Variants in AFF3 observed in about 807,000 individuals in gnomAD.
AFF3 encodes the protein AF4/FMR2 family member 3.
A neutral mutation model predicts 129.7 loss-of-function variants in AFF3; 32 were observed. The observed-to-expected ratio is 0.25, with a 90% CI of 0.19 to 0.33. AFF3 has a LOEUF of 0.33. Ranked by LOEUF, AFF3 falls within the 10% of genes least tolerant of loss-of-function variation. AFF3 has a pLI of 1.00. For synonymous variants in AFF3, 644 were observed against 635.4 expected (o/e 1.01, Z -0.20); for missense variants, 1,373 against 1,592.0 (o/e 0.86, Z 2.34).
At chr2:99,860,728 GAAAAA>G (rs566175906) in intron 7 of AFF3, among the ~76,000 whole-genome samples, 3 of 128,542 alleles carry the variant, frequency 2.3e-5, no homozygotes, top group Non-Finnish European at 5.1e-5. Flanking sequence ...TCCGTCTCAA[GAAAAA>G]AAAAAAAATT....
chr2:99,937,618 C>T (rs1674642703), intron 7 of AFF3, among the ~76,000 whole-genome samples: 1 of 152,176 alleles, frequency 6.6e-6, no homozygotes, highest in South Asian at 2.1e-4. Flanking sequence ...AGGGTGGTCT[C>T]GAACTCCTGA....
chr2:100,027,503 C>T (rs1328961378), intron 4 of AFF3, among the ~76,000 whole-genome samples: 1 of 152,138 alleles, frequency 6.6e-6, no homozygotes, highest in Non-Finnish European at 1.5e-5. Flanking sequence ...TACGGAACTG[C>T]CAAGGCCTTC....
chr2:99,649,673 G>T lies in AFF3; in HGVS notation c.1144-7C>A, dbSNP rs764959996. On this transcript the variant is annotated splice_polypyrimidine_tract_variant and splice_region_variant and intron_variant, in intron 12 of 24. Coordinates refer to ENST00000672756, the MANE Select transcript of AFF3 (RefSeq NM_001386135.1). ...CCGTTCTCTGAGCTGCCTGCTGGAA[G>T]AAAGAAAGGGCAGAGATGTTTATTT... 6.2e-7 allele frequency: 1 copy of T among 1,614,030 alleles called. No individual in the cohort carries two copies. Among genetic ancestry groups the T allele is most frequent in the Non-Finnish European group, 8.5e-7 (1 of 1,179,912 alleles).
intron 4 of AFF3, among the ~76,000 whole-genome samples, chr2:100,075,445 T>C (rs962513732): frequency 2.6e-5 from 4 of 152,132 alleles, no homozygotes; most frequent in African/African-American, 7.2e-5. Flanking sequence ...AACAAATTAT[T>C]ATCCAGGCTG....
At chr2:99,851,891 C>T (rs549782010) in intron 7 of AFF3, among the ~76,000 whole-genome samples, 12 of 152,244 alleles carry the variant, frequency 7.9e-5, no homozygotes, top group Non-Finnish European at 1.5e-4. Flanking sequence ...TCAATATTAA[C>T]GTTTTTTTCC....
chr2:100,135,572 G>T (rs1573478351), intron 1 of AFF3, among the ~76,000 whole-genome samples: 1 of 152,202 alleles, frequency 6.6e-6, no homozygotes. Context: ...ACGTGTGAGT[G>T]GAAGGGGATC....
At chr2:99,612,977 T>C (rs569412584) in intron 13 of AFF3, among the ~76,000 whole-genome samples, 1 of 152,372 alleles carries the variant, frequency 6.6e-6, no homozygotes, top group African/African-American at 2.4e-5. Context: ...TATTTTTGGA[T>C]GGTGGAATTA....
At chr2:99,789,830 A>G (rs755031887) in intron 8 of AFF3, among the ~76,000 whole-genome samples, 6 of 152,264 alleles carry the variant, frequency 3.9e-5, no homozygotes, top group Non-Finnish European at 7.3e-5. Flanking sequence ...CAGTGGCATA[A>G]GCGCAAGCTC....
intron 4 of AFF3, among the ~76,000 whole-genome samples, chr2:100,019,088 G>T (rs1266713207): frequency 2.6e-5 from 4 of 152,264 alleles, no homozygotes; most frequent in Admixed American, 2.6e-4. Context: ...GCTGGTGCCT[G>T]AAGTCAGAAG....
intron 12 of AFF3, among the ~76,000 whole-genome samples, chr2:99,666,465 G>A (rs1019722234): frequency 5.3e-5 from 8 of 152,032 alleles, no homozygotes; most frequent in Non-Finnish European, 1.2e-4. Flanking sequence ...AAGGTTTAAG[G>A]AATACACAGA....
At chr2:99,847,743 G>T (rs540016871) in intron 7 of AFF3, among the ~76,000 whole-genome samples, 2 of 152,016 alleles carry the variant, frequency 1.3e-5, no homozygotes, top group Non-Finnish European at 2.9e-5. Context: ...AGTGACTGCT[G>T]ACCACTGAAT....
chr2:99,828,260 G>T (rs1688248025), intron 8 of AFF3, among the ~76,000 whole-genome samples: 1 of 152,202 alleles, frequency 6.6e-6, no homozygotes, highest in East Asian at 1.9e-4. Context: ...AGTAATGCTG[G>T]TGAACATTGC....
chr2:99,674,949 G>A (rs138499919), intron 11 of AFF3, among the ~76,000 whole-genome samples: 8 of 152,286 alleles, frequency 5.3e-5, no homozygotes, highest in Non-Finnish European at 8.8e-5. Context: ...TGTGCTAAAC[G>A]CGTCCACACG....
chr2:99,637,332 G>A (rs1683759218), intron 13 of AFF3, among the ~76,000 whole-genome samples: 1 of 152,212 alleles, frequency 6.6e-6, no homozygotes, highest in Non-Finnish European at 1.5e-5. Context: ...ATGCTTTTGC[G>A]GCACGGCCTC....
At chr2:100,073,034 T>C (rs1688320311) in intron 4 of AFF3, among the ~76,000 whole-genome samples, 1 of 152,222 alleles carries the variant, frequency 6.6e-6, no homozygotes, top group African/African-American at 2.4e-5. Flanking sequence ...TGAGTGTCAA[T>C]GTTGAGGACA....
chr2:99,837,168 A>G (rs1460064479), intron 8 of AFF3, among the ~76,000 whole-genome samples: 1 of 152,224 alleles, frequency 6.6e-6, no homozygotes, highest in Non-Finnish European at 1.5e-5. Flanking sequence ...ATGCTTTTAA[A>G]TAGCAGGGTG....
chr2:99,919,994 T>C (rs1695743999), intron 7 of AFF3, among the ~76,000 whole-genome samples: 1 of 152,032 alleles, frequency 6.6e-6, no homozygotes, highest in South Asian at 2.1e-4. Context: ...CCTTGAAAAA[T>C]ACAACTTACC....
intron 7 of AFF3, among the ~76,000 whole-genome samples, chr2:99,952,175 G>A (rs181181831): frequency 7.9e-5 from 12 of 152,248 alleles, no homozygotes; most frequent in Admixed American, 4.6e-4. Flanking sequence ...GGGCGGATTT[G>A]CCCTTTGCTG....
At chr2:99,620,397 G>T (rs1362822523) in intron 13 of AFF3, among the ~76,000 whole-genome samples, 1 of 152,192 alleles carries the variant, frequency 6.6e-6, no homozygotes, top group Non-Finnish European at 1.5e-5. Flanking sequence ...GCGAGGCCAG[G>T]GTGGGAGGAT....
Sources: gnomAD v4.1 joint callset for allele counts (sites outside exome capture counted in the v4.1 genomes callset) on GRCh38, gnomAD v4.1.1 for gene constraint, MANE v1.5 for transcripts, NCBI Gene and HGNC (gene_info 2026-07-23, HGNC 2026-07-21) for gene names.